Variants in TGM6 observed in about 807,000 individuals in gnomAD.
The protein encoded by TGM6 is protein-glutamine gamma-glutamyltransferase 6.
TGM6 carries 74 observed loss-of-function variants against 77.5 expected under a neutral mutation model. The ratio of observed to expected loss-of-function variants is 0.96; its 90% confidence interval spans 0.79 to 1.16. The LOEUF (loss-of-function observed/expected upper bound fraction) is 1.16, where lower values mean the gene tolerates loss of function less well. TGM6 is among the 50% of genes most tolerant of loss of function. TGM6 has a pLI of 0.00. For missense variants in TGM6, 968 were observed against 940.2 expected (o/e 1.03, Z -0.39); for synonymous variants, 383 against 378.9 (o/e 1.01, Z -0.12).
rs2084658027 is a variant in TGM6, at chr20:2,395,419, T to A, written c.407T>A (p.Phe136Tyr). 2 of 1,614,222 alleles carry A rather than the reference T, an allele frequency of 1.2e-6. No homozygotes were observed. Among genetic ancestry groups the A allele is most frequent in the South Asian group, 1.1e-5 (1 of 91,088 alleles). Reference sequence around the variant, plus strand: ...AGGCTGGGCGAGTTTGTTCTCCTTTTCAACCCATGGTGTGCAGGTAGGAGT... The same window carrying A: ...AGGCTGGGCGAGTTTGTTCTCCTTTACAACCCATGGTGTGCAGGTAGGAGT... The part of the protein sequence containing the change: ...NRRLGEFVLL[F>Y]NPWCAEDDVF... Residue 136 changes from phenylalanine to tyrosine, a missense_variant, in exon 3 of 13, where the codon TTC (phenylalanine) becomes TAC (tyrosine). Coordinates refer to ENST00000202625, the MANE Select transcript of TGM6 (RefSeq NM_198994.3).
rs2084929128 is a variant in TGM6 at position 2,432,375 on chromosome 20, T to C, written c.1968-115T>C. The C allele has an allele frequency of 4.4e-6, 6 of 1,374,048 alleles. No homozygotes were observed. The South Asian group carries it at 7.1e-5, about 16-fold the overall frequency. The allele number at this position is 1,374,048 out of a possible 1,614,324, so 85.1% of individuals were successfully genotyped here. A position where few individuals can be genotyped will look rare whatever the true frequency, so the allele number is the denominator to read the frequency against. On this transcript the variant is annotated intron_variant, in intron 12 of 12. Transcript: ENST00000202625. ...CAAACATGTTGATAAGGCTTGAATG[T>C]CAAGCCACAAGGTGAACTTGATCCT...
At position 2,399,612 on chromosome 20, in the gene TGM6, T is replaced by TA. The variant is rs1156635840; in HGVS notation, c.725dup (p.Tyr242Ter). 6.2e-7 allele frequency: 1 copy of TA among 1,613,164 alleles called. No homozygotes were observed. The highest frequency in any genetic ancestry group is 1.3e-5 in the African/African-American group (1 of 74,886). The change falls in exon 6 of 13, where the codon TAC becomes TAAC. Residue 242 changes from tyrosine (Y) to a stop codon, truncating the protein, a stop_gained and frameshift_variant. Transcript: ENST00000202625. LOFTEE classifies it high-confidence loss of function. ...GGTGCAAGGACAGTGGCAGGGCAAG[T>TA]ACGGCGGCGGCACCAGCCCGCTGCA... ...GVVQGQWQGK[Y>*]GGGTSPLHWR... is the part of the protein sequence containing the mutation.
intron 1 of TGM6, among the ~76,000 whole-genome samples, chr20:2,389,001 C>T (rs528180358): frequency 6.6e-6 from 1 of 152,254 alleles, no homozygotes; most frequent in Non-Finnish European, 1.5e-5. Flanking sequence ...TGGGACATGA[C>T]GTTGGTACAT....
intron 10 of TGM6, among the ~76,000 whole-genome samples, chr20:2,421,576 T>G (rs1163838355): frequency 6.6e-6 from 1 of 152,242 alleles, no homozygotes; most frequent in Non-Finnish European, 1.5e-5. Context: ...GACATCTCTA[T>G]CTCTTCTTTG....
intron 1 of TGM6, among the ~76,000 whole-genome samples, chr20:2,391,893 T>C (rs1360362779): frequency 1.3e-5 from 2 of 152,182 alleles, no homozygotes; most frequent in African/African-American, 2.4e-5. Context: ...CTGCTTTCTC[T>C]CAAATTTTAG....
intron 9 of TGM6, 100 bp downstream of exon 9, chr20:2,403,923 A>G: frequency 1.3e-6 from 2 of 1,588,826 alleles, no homozygotes; most frequent in East Asian, 2.2e-5. Context: ...CACCCCATGT[A>G]TATGACGCTG....
Position 2,395,346 on chromosome 20 carries a change from T to G in TGM6, c.334T>G (p.Tyr112Asp). ...ASPPSAVIGR[Y>D]LLSIRLSSHR... The stretch of plus-strand genomic sequence containing the variant: ...CCCTCCCAGTGCTGTCATTGGCCGC[T>G]ACCTGCTGAGCATCAGGCTTTCCTC... Residue 112 changes from tyrosine (Y) to aspartate (D), a missense_variant, in exon 3 of 13, where the codon TAC (tyrosine) becomes GAC (aspartate). Transcript: ENST00000202625. The G allele has an allele frequency of 6.2e-7, 1 of 1,614,236 alleles. No individual in the cohort carries two copies. The highest frequency in any genetic ancestry group is 1.1e-5 in the South Asian group (1 of 91,086).
At chr20:2,391,846 T>C (rs2122338902) in intron 1 of TGM6, among the ~76,000 whole-genome samples, 1 of 152,288 alleles carries the variant, frequency 6.6e-6, no homozygotes, top group East Asian at 1.9e-4. Flanking sequence ...GTCTGCCGAC[T>C]ATGGGCCCCT....
At chr20:2,425,446 CTT>C (rs34941654) in intron 10 of TGM6, among the ~76,000 whole-genome samples, 33,729 of 151,578 alleles carry the variant, frequency 0.22, 3,869 homozygotes, top group South Asian at 0.3. Flanking sequence ...TGCCACAAAA[CTT>C]CAATTTGTAA....
chr20:2,386,315 A>T (rs1296431902), intron 1 of TGM6, among the ~76,000 whole-genome samples: 6 of 152,174 alleles, frequency 3.9e-5, no homozygotes, highest in Non-Finnish European at 8.8e-5. Context: ...CCAAAGCAGC[A>T]GCTCCAGGGA....
At chr20:2,391,753 A>G (rs1023994029) in intron 1 of TGM6, among the ~76,000 whole-genome samples, 1 of 152,224 alleles carries the variant, frequency 6.6e-6, no homozygotes, top group Non-Finnish European at 1.5e-5. Flanking sequence ...TGATTACATC[A>G]CAGCTTTGCT....
At chr20:2,425,067 C>G (rs1261890338) in intron 10 of TGM6, among the ~76,000 whole-genome samples, 2 of 152,054 alleles carry the variant, frequency 1.3e-5, no homozygotes, top group Non-Finnish European at 2.9e-5. Context: ...GGCACAGGGG[C>G]TCATATATGT....
At position 2,395,438 on chromosome 20, in the gene TGM6, T is replaced by C; in HGVS notation, c.424+2T>C. 2 of 1,614,130 alleles carry C rather than the reference T, an allele frequency of 1.2e-6. No homozygotes were observed. Among genetic ancestry groups the C allele is most frequent in the Non-Finnish European group, 1.7e-6 (2 of 1,180,030 alleles). On this transcript the variant is annotated splice_donor_variant, in intron 3 of 12. Coordinates refer to ENST00000202625, the MANE Select transcript of TGM6 (RefSeq NM_198994.3). LOFTEE classifies it high-confidence loss of function. ...TCCTTTTCAACCCATGGTGTGCAGG[T>C]AGGAGTGGCCAAGTCCAATGCAGAG...
At chr20:2,394,652 C>T (rs1464462369) in intron 2 of TGM6, 27 bp downstream of exon 2, 1 of 1,592,192 alleles carries the variant, frequency 6.3e-7, no homozygotes, top group Admixed American at 1.8e-5. Context: ...GCACCCTCTT[C>T]TCGTCTGCAG....
chr20:2,417,690 C>A (rs2122411175), intron 10 of TGM6, 117 bp downstream of exon 10: 1 of 1,202,588 alleles, frequency 8.3e-7, no homozygotes, highest in Non-Finnish European at 1.2e-6. Flanking sequence ...AGGGGACATT[C>A]CTGAGCATTG....
chr20:2,406,732 G>T (rs1478097308), intron 9 of TGM6, among the ~76,000 whole-genome samples: 1 of 149,698 alleles, frequency 6.7e-6, no homozygotes. Flanking sequence ...CTACTTGGGA[G>T]GCTGAGGCAG....
Position 2,400,290 on chromosome 20 carries a change from C to T in TGM6, c.851-16C>T, listed in dbSNP as rs1343530877. The stretch of plus-strand genomic sequence containing the variant: ...GGGCCAGGGTCCCGCCTGCTCCGAG[C>T]CTCTCTGCTCTGCAGTCCTCAGGTG... On this transcript the variant is annotated splice_polypyrimidine_tract_variant and intron_variant, in intron 6 of 12. Coordinates refer to ENST00000202625, the MANE Select transcript of TGM6 (RefSeq NM_198994.3). 6.2e-7 allele frequency: 1 copy of T among 1,614,106 alleles called. No homozygotes were observed. Among genetic ancestry groups the T allele is most frequent in the Admixed American group, 1.7e-5 (1 of 60,034 alleles).
In TGM6 at chr20:2,417,453, C is replaced by G. The variant is rs1453186090; in HGVS notation, c.1558C>G (p.Leu520Val). Residue 520 changes from leucine to valine, a missense_variant, in exon 10 of 13, where the codon CTC (leucine) becomes GTC (valine). Physicochemically the swap from Leu to Val is conservative, Grantham distance 32 (BLOSUM62 1). Coordinates refer to ENST00000202625, the MANE Select transcript of TGM6 (RefSeq NM_198994.3). ...DLRLALCLAN[L>V]TSRAQRVRVN... ...GAGACTGGCCCTGTGCTTGGCCAAC[C>G]TCACCTCCCGGGCCCAGCGGGTGAG... 1 of 1,611,830 alleles carries G rather than the reference C, an allele frequency of 6.2e-7. No individual in the cohort carries two copies. The highest frequency in any genetic ancestry group is 1.1e-5 in the South Asian group (1 of 91,040).
At chr20:2,399,267 C>T (rs1036065565) in intron 5 of TGM6, among the ~76,000 whole-genome samples, 1 of 152,044 alleles carries the variant, frequency 6.6e-6, no homozygotes, top group African/African-American at 2.4e-5. Flanking sequence ...GTTAGCTGTC[C>T]CTATAATGAT....
Sources: allele counts gnomAD v4.1 joint callset (sites outside exome capture counted in the v4.1 genomes callset), GRCh38; gene constraint gnomAD v4.1.1; transcripts MANE v1.5; gene names NCBI Gene and HGNC (gene_info 2026-07-23, HGNC 2026-07-21).